Variants in SYN3 observed in about 807,000 individuals in gnomAD.
SYN3 encodes the protein synapsin-3.
In SYN3, 35 loss-of-function variants were observed where a neutral mutation model predicts 65.8. The observed-to-expected ratio is 0.53, with a 90% CI of 0.41 to 0.70. The LOEUF is 0.70. SYN3 is among the 30% of genes least tolerant of loss of function. SYN3 has a pLI of 0.00. For synonymous variants in SYN3, 270 were observed against 292.9 expected (o/e 0.92, Z 0.80); for missense variants, 680 against 749.0 (o/e 0.91, Z 1.08).
At chr22:33,047,861 TG>T (rs2054094330) in intron 1 of SYN3, among the ~76,000 whole-genome samples, 1 of 98,442 alleles carries the variant, frequency 1.0e-5, no homozygotes, top group Admixed American at 1.3e-4. Flanking sequence ...CATTTTCATG[TG>T]CAAAAAAAAA....
intron 3 of SYN3, among the ~76,000 whole-genome samples, chr22:32,952,950 T>C (rs1026324775): frequency 3.9e-5 from 6 of 152,228 alleles, no homozygotes; most frequent in Admixed American, 6.5e-5. Flanking sequence ...AAAGAGGCTA[T>C]GGTGCCTTCA....
rs1315931717 is a variant in SYN3 at position 32,509,389 on chromosome 22, C to T, written c.*4303G>A. On this transcript the variant is annotated 3_prime_UTR_variant, in exon 14 of 14. Coordinates refer to ENST00000358763, the MANE Select transcript of SYN3 (RefSeq NM_003490.4). ...ATTTTAGAGTCTATACAGCATGACT[C>T]CCCTCTCCCTCCTTTTTGCCCTTTC... Among the ~76,000 whole-genome samples, 2 of 152,166 alleles carry T rather than the reference C, an allele frequency of 1.3e-5. No individual in the cohort carries two copies. Among genetic ancestry groups the T allele is most frequent in the Non-Finnish European group, 2.9e-5 (2 of 67,994 alleles).
At chr22:32,892,938 G>A (rs2049492866) in intron 4 of SYN3, among the ~76,000 whole-genome samples, 2 of 152,156 alleles carry the variant, frequency 1.3e-5, no homozygotes, top group Admixed American at 1.3e-4. Context: ...TAGAGAATAT[G>A]AGAATCAGGA....
chr22:32,636,525 G>A (rs2059819853), intron 6 of SYN3, among the ~76,000 whole-genome samples: 4 of 152,200 alleles, frequency 2.6e-5, no homozygotes, highest in Admixed American at 6.5e-5. Context: ...CCCCATGACG[G>A]GCCATTGCTA....
rs546637007 is a variant in SYN3 at position 32,667,545 on chromosome 22, G to A, written c.712-70809C>T. 3.3e-3 allele frequency among the ~76,000 whole-genome samples: 500 copies of A among 152,286 alleles called. 4 individuals are homozygous for A. The highest frequency in any genetic ancestry group is 0.012 in the South Asian group (58 of 4,826). On this transcript the variant is annotated intron_variant, in intron 6 of 13. Transcript: ENST00000358763. ...CGCACTTGCTTAGGTTTTTGGGTAGGTCAAGTTCCTTAAAGTGGGTTGCTG... is the reference window on the plus strand; with the variant it reads ...CGCACTTGCTTAGGTTTTTGGGTAGATCAAGTTCCTTAAAGTGGGTTGCTG...
intron 4 of SYN3, among the ~76,000 whole-genome samples, chr22:32,903,529 C>T (rs1278868329): frequency 1.3e-5 from 2 of 152,082 alleles, no homozygotes; most frequent in East Asian, 3.9e-4. Context: ...GGGGAGGGGG[C>T]TTGGGAAAAG....
chr22:32,890,991 G>T (rs1327418810), intron 4 of SYN3, among the ~76,000 whole-genome samples: 1 of 152,134 alleles, frequency 6.6e-6, no homozygotes, highest in Admixed American at 6.5e-5. Context: ...AGCACTTGCT[G>T]GACTCTGGGA....
chr22:32,958,077 C>G (rs2051523108), intron 3 of SYN3, among the ~76,000 whole-genome samples: 1 of 152,222 alleles, frequency 6.6e-6, no homozygotes, highest in Non-Finnish European at 1.5e-5. Flanking sequence ...CTCTGCACTT[C>G]TGAGACAACA....
chr22:32,513,922 A>T, intron 13 of SYN3, 98 bp from the exon 14 acceptor site: 1 of 1,497,362 alleles, frequency 6.7e-7, no homozygotes, highest in Non-Finnish European at 9.1e-7. Flanking sequence ...GGCTACCCCA[A>T]TCATCATAAG....
At chr22:32,703,661 G>C (rs997520634) in intron 6 of SYN3, among the ~76,000 whole-genome samples, 36 of 151,344 alleles carry the variant, frequency 2.4e-4, no homozygotes, top group Non-Finnish European at 5.2e-4. Flanking sequence ...AAAAGAGAGA[G>C]AGAGTTTTGC....
At chr22:32,615,337 A>C (rs541231102) in intron 6 of SYN3, among the ~76,000 whole-genome samples, 1 of 147,510 alleles carries the variant, frequency 6.8e-6, no homozygotes, top group Admixed American at 6.8e-5. Context: ...TGGGAGACTG[A>C]GGCATGAGAA....
chr22:32,519,826 GT>G, intron 12 of SYN3: 1 of 152,218 alleles, frequency 6.6e-6, no homozygotes, highest in Non-Finnish European at 1.5e-5. Context: ...TTCTTGCCAC[GT>G]TTTTTTGAGA....
intron 6 of SYN3, among the ~76,000 whole-genome samples, chr22:32,747,148 C>T (rs1014726242): frequency 5.9e-5 from 9 of 152,134 alleles, no homozygotes; most frequent in African/African-American, 2.2e-4. Context: ...CATGCGAATC[C>T]CAGGGCTAAG....
chr22:32,979,625 G>T (rs148811302), intron 3 of SYN3, among the ~76,000 whole-genome samples: 23 of 152,232 alleles, frequency 1.5e-4, no homozygotes, highest in East Asian at 7.7e-4. Context: ...TTGATGATGA[G>T]GAGGAGGAGG....
At chr22:32,841,184 G>C (rs149457977) in intron 6 of SYN3, among the ~76,000 whole-genome samples, 1 of 152,160 alleles carries the variant, frequency 6.6e-6, no homozygotes, top group African/African-American at 2.4e-5. Flanking sequence ...GGCACTCTTC[G>C]GGCAGCTTTG....
chr22:32,924,894 C>T (rs1047974840), intron 4 of SYN3, among the ~76,000 whole-genome samples: 1 of 152,114 alleles, frequency 6.6e-6, no homozygotes, highest in Admixed American at 6.5e-5. Context: ...GAGTTCGATA[C>T]CAGCTTGGGC....
At position 32,513,771 on chromosome 22, in the gene SYN3, C is replaced by T; in HGVS notation, c.1664G>A (p.Gly555Glu). ...CTTGGCCTCGTCTTCACTTGGGGTCCCACGCTGGGAGGTGTCGGATGTGCT... is the reference window on the plus strand; with the variant it reads ...CTTGGCCTCGTCTTCACTTGGGGTCTCACGCTGGGAGGTGTCGGATGTGCT... ...SLSTSDTSQR[G>E]TPSEDEAKAE... Residue 555 changes from glycine (G) to glutamate (E), a missense_variant, in exon 14 of 14, where the codon GGG (glycine) becomes GAG (glutamate). By Grantham distance (98) the Gly-to-Glu change is moderately conservative (BLOSUM62 -2). Transcript: ENST00000358763. 1 of 1,614,142 alleles carries T rather than the reference C, an allele frequency of 6.2e-7. No homozygotes were observed. Among genetic ancestry groups the T allele is most frequent in the South Asian group, 1.1e-5 (1 of 91,070 alleles).
intron 7 of SYN3, among the ~76,000 whole-genome samples, chr22:32,574,043 G>A (rs1354342752): frequency 1.3e-5 from 2 of 151,418 alleles, no homozygotes; most frequent in Non-Finnish European, 2.9e-5. Context: ...CCCTCAAAAT[G>A]CTGGGATTAC....
chr22:33,057,081 CAGGGCTCCCGGGCA>C (rs1250554121), intron 1 of SYN3, among the ~76,000 whole-genome samples: 1 of 152,190 alleles, frequency 6.6e-6, no homozygotes, highest in Non-Finnish European at 1.5e-5. Context: ...AGCCAGGGAG[CAGGGCTCCCGGGCA>C]GAGGGGGCTC....
Sources: allele counts gnomAD v4.1 joint callset (sites outside exome capture counted in the v4.1 genomes callset), GRCh38; gene constraint gnomAD v4.1.1; transcripts MANE v1.5; gene names NCBI Gene and HGNC (gene_info 2026-07-23, HGNC 2026-07-21).